The following ABLIM2 variants were observed in gnomAD, a reference collection of about 807,000 sequenced individuals.
ABLIM2 encodes actin binding LIM protein family member 2, also known as actin-binding LIM protein 2.
ABLIM2 carries 53 observed loss-of-function variants against 97.7 expected under a neutral mutation model. That is an observed-to-expected ratio of 0.54 (90% CI 0.44 to 0.68). The LOEUF (loss-of-function observed/expected upper bound fraction) is 0.68, where lower values mean the gene tolerates loss of function less well. Among genes scored for constraint, ABLIM2 ranks in the 30% least tolerant of loss-of-function variants. The probability of loss-of-function intolerance (pLI) is 0.00; values close to 1 mark genes in which losing one functional copy is unlikely to be tolerated. For missense variants in ABLIM2, 835 were observed against 867.2 expected, an observed-to-expected ratio of 0.96 and a Z score of 0.47; for synonymous variants, 361 against 345.8, an observed-to-expected ratio of 1.04 and a Z score of -0.49.
In ABLIM2 at chr4:8,130,244, C is replaced by A. The variant is rs1440427216; in HGVS notation, c.11-23607G>T. Among the ~76,000 whole-genome samples, 1 of 152,212 alleles carries A rather than the reference C, an allele frequency of 6.6e-6. No individual in the cohort carries two copies. Among genetic ancestry groups the A allele is most frequent in the Non-Finnish European group, 1.5e-5 (1 of 68,046 alleles). ...GAGACGCAGGGTGGCCAGGGTGGTG[C>A]TGGATGGCTGAGGCCCGGCCGCATC... is the stretch of plus-strand genomic sequence containing the variant. On this transcript the variant is annotated intron_variant, in intron 1 of 20. Coordinates refer to ENST00000447017, the MANE Select transcript of ABLIM2 (RefSeq NM_001130083.2). The surrounding 1 kb of genome is among the most constrained non-coding windows in gnomAD (Gnocchi z 4.2).
rs191130792 is a variant in ABLIM2 at position 8,125,395 on chromosome 4, C to T, written c.11-18758G>A. On this transcript the variant is annotated intron_variant, in intron 1 of 20. Coordinates refer to ENST00000447017, the MANE Select transcript of ABLIM2 (RefSeq NM_001130083.2). The surrounding 1 kb of genome is among the most constrained non-coding windows in gnomAD (Gnocchi z 6.2). ...TAATTTTACACAAATAGAATTGCAT[C>T]TATGTGACTGCTAGTTTTAATTGTG... 3.8e-3 allele frequency among the ~76,000 whole-genome samples: 585 copies of T among 152,352 alleles called. 5 individuals are homozygous for T. Among genetic ancestry groups the T allele is most frequent in the African/African-American group, 0.013 (531 of 41,576 alleles).
chr4:8,098,079 A>G (rs909003405), intron 2 of ABLIM2, among the ~76,000 whole-genome samples: 1 of 152,154 alleles, frequency 6.6e-6, no homozygotes, highest in Admixed American at 6.5e-5. Flanking sequence ...CTGAGACCCG[A>G]TCGCATTCCT....
At chr4:7,984,920 C>T in intron 17 of ABLIM2, 27 bp from the exon 18 acceptor site, 1 of 1,604,396 alleles carries the variant, frequency 6.2e-7, no homozygotes, top group Non-Finnish European at 8.5e-7. Flanking sequence ...GGTTGGGCGG[C>T]AAGAGACAGG....
chr4:8,084,635 C>T (rs1822149451), intron 4 of ABLIM2, among the ~76,000 whole-genome samples: 1 of 152,238 alleles, frequency 6.6e-6, no homozygotes, highest in South Asian at 2.1e-4. Flanking sequence ...GTGGGGCCTC[C>T]CCAGGTCCAG....
chr4:8,009,352 C>A (rs942308014), intron 14 of ABLIM2, among the ~76,000 whole-genome samples: 2 of 152,168 alleles, frequency 1.3e-5, no homozygotes, highest in African/African-American at 4.8e-5. Flanking sequence ...AACACCCACA[C>A]AGAGTAATGT....
chr4:8,104,600 G>A (rs1351680928), intron 2 of ABLIM2, among the ~76,000 whole-genome samples: 1 of 152,150 alleles, frequency 6.6e-6, no homozygotes, highest in Non-Finnish European at 1.5e-5. Flanking sequence ...GTCTGCCTTA[G>A]CCCAAGGGAT....
chr4:8,147,267 T>C lies in ABLIM2; in HGVS notation c.10+11413A>G, dbSNP rs185251554. ...TTAGCGAGTAACATTTTTTTTATCC[T>C]ATGAGAAGTCATTCTCACTCTCTCA... On this transcript the variant is annotated intron_variant, in intron 1 of 20. Coordinates refer to ENST00000447017, the MANE Select transcript of ABLIM2 (RefSeq NM_001130083.2). This position sits in a 1 kb window ranked among gnomAD's most constrained non-coding sequence, Gnocchi z 5.3. Among the ~76,000 whole-genome samples, 8 of 152,278 alleles carry C rather than the reference T, an allele frequency of 5.3e-5. No individual in the cohort carries two copies. In the East Asian group the frequency reaches 1.5e-3, roughly 29 times the overall value.
rs1823228552 is a variant in ABLIM2 at position 8,085,872 on chromosome 4, T to A, written c.454+2297A>T. Among the ~76,000 whole-genome samples the A allele has an allele frequency of 6.6e-6, 1 of 152,204 alleles. No homozygotes were observed. The highest frequency in any genetic ancestry group is 2.4e-5 in the African/African-American group (1 of 41,460). ...CACCTTGGACAGCCTCTAGTCCTAG[T>A]GGGGTGAGCTCACTTGCTTTGGAGT... On this transcript the variant is annotated intron_variant, in intron 4 of 20. Transcript: ENST00000447017. This position sits in a 1 kb window ranked among gnomAD's most constrained non-coding sequence, Gnocchi z 6.1.
intron 8 of ABLIM2, among the ~76,000 whole-genome samples, chr4:8,052,092 C>T (rs1375917465): frequency 6.6e-6 from 1 of 152,192 alleles, no homozygotes; most frequent in African/African-American, 2.4e-5. Flanking sequence ...GACTACACCA[C>T]GTGTGTCCGC....
At chr4:7,980,142 AC>A (rs994157184) in intron 20 of ABLIM2, among the ~76,000 whole-genome samples, 4 of 151,780 alleles carry the variant, frequency 2.6e-5, no homozygotes, top group African/African-American at 9.7e-5. Context: ...GGAGGAATGA[AC>A]CCCCCCTCTC....
At chr4:8,056,664 G>A (rs1799362276) in intron 7 of ABLIM2, among the ~76,000 whole-genome samples, 2 of 151,594 alleles carry the variant, frequency 1.3e-5, no homozygotes, top group African/African-American at 4.8e-5. Flanking sequence ...CGGGTGCTGT[G>A]GCTCACACCT....
At chr4:8,110,915 G>A (rs1561486005) in intron 1 of ABLIM2, among the ~76,000 whole-genome samples, 1 of 152,230 alleles carries the variant, frequency 6.6e-6, no homozygotes, top group Non-Finnish European at 1.5e-5. Context: ...TAGGTAAGTG[G>A]GTATGCGCTT....
In ABLIM2 at chr4:8,085,669, G is replaced by A. The variant is rs559574998; in HGVS notation, c.454+2500C>T. 3.4e-5 allele frequency among the ~76,000 whole-genome samples: 5 copies of A among 147,944 alleles called. No homozygotes were observed. Among genetic ancestry groups the A allele is most frequent in the East Asian group, 2.0e-4 (1 of 4,926 alleles). ...CTGGGGGTGCCCACGCTGCAGCCCC[G>A]TCCACTCACGTGGGTCTGGGGGTGC... is the stretch of plus-strand genomic sequence containing the variant. On this transcript the variant is annotated intron_variant, in intron 4 of 20. Transcript: ENST00000447017. This position sits in a 1 kb window ranked among gnomAD's most constrained non-coding sequence, Gnocchi z 6.1.
chr4:8,045,251 G>A lies in ABLIM2; in HGVS notation c.823-10C>T. Reference sequence around the variant, plus strand: ...AGGAAGTTCTGGTTTCCTGAGAAAGGAGAGAGGAAGAGATTGAAGGCAGGT... The same window carrying A: ...AGGAAGTTCTGGTTTCCTGAGAAAGAAGAGAGGAAGAGATTGAAGGCAGGT... On this transcript the variant is annotated splice_polypyrimidine_tract_variant and intron_variant, in intron 8 of 20. Transcript: ENST00000447017. 5.0e-6 allele frequency: 8 copies of A among 1,611,228 alleles called. No homozygotes were observed. The highest frequency in any genetic ancestry group is 6.8e-6 in the Non-Finnish European group (8 of 1,177,282).
intron 1 of ABLIM2, among the ~76,000 whole-genome samples, chr4:8,133,222 C>G (rs1355377285): frequency 6.6e-6 from 1 of 152,216 alleles, no homozygotes; most frequent in African/African-American, 2.4e-5. Flanking sequence ...CTCATCTGGA[C>G]GAGTTCCATC....
At chr4:7,977,284 C>G (rs998285239) in intron 20 of ABLIM2, among the ~76,000 whole-genome samples, 2 of 152,066 alleles carry the variant, frequency 1.3e-5, no homozygotes, top group African/African-American at 2.4e-5. Context: ...GAACTGTGAG[C>G]AAATTAAACC....
chr4:8,025,363 A>G (rs1457791022), intron 12 of ABLIM2, among the ~76,000 whole-genome samples: 3 of 151,822 alleles, frequency 2.0e-5, no homozygotes, highest in Non-Finnish European at 4.4e-5. Context: ...TGGCCCCGGG[A>G]GATGCCCTTG....
chr4:8,114,960 C>T (rs1842181570), intron 1 of ABLIM2, among the ~76,000 whole-genome samples: 1 of 152,284 alleles, frequency 6.6e-6, no homozygotes, highest in African/African-American at 2.4e-5. Context: ...CGCCCTGGAA[C>T]GCCCACCAGG....
intron 3 of ABLIM2, among the ~76,000 whole-genome samples, chr4:8,090,539 G>A (rs1826608572): frequency 1.3e-5 from 2 of 151,924 alleles, no homozygotes; most frequent in African/African-American, 4.8e-5. Context: ...CCATATAACT[G>A]CCACCACCAC....
Sources: gnomAD v4.1 joint callset for allele counts (sites outside exome capture counted in the v4.1 genomes callset) on GRCh38, gnomAD v4.1.1 for gene constraint, Gnocchi (gnomAD v3.1) non-coding constraint, MANE v1.5 for transcripts, NCBI Gene and HGNC (gene_info 2026-07-23, HGNC 2026-07-21) for gene names.